The following KIDINS220 variants were observed in gnomAD, a reference collection of about 807,000 sequenced individuals.
The protein encoded by KIDINS220 is kinase D interacting substrate 220, also known as kinase D-interacting substrate of 220 kDa.
KIDINS220 carries 63 observed loss-of-function variants against 157.6 expected under a neutral mutation model. The observed-to-expected ratio is 0.40, with a 90% CI of 0.33 to 0.49. The LOEUF (loss-of-function observed/expected upper bound fraction) is 0.49, where lower values mean the gene tolerates loss of function less well. Among genes scored for constraint, KIDINS220 ranks in the 20% least tolerant of loss-of-function variants. The probability of loss-of-function intolerance (pLI) is 0.66; values close to 1 mark genes in which losing one functional copy is unlikely to be tolerated. For synonymous variants in KIDINS220, 732 were observed against 783.6 expected (o/e 0.93, Z 1.10); for missense variants, 1,772 against 2,171.2 (o/e 0.82, Z 3.65).
Position 8,770,760 on chromosome 2 carries a change from T to A in KIDINS220, c.2921A>T (p.Gln974Leu), listed in dbSNP as rs201780168. 787 of 1,612,402 alleles carry A rather than the reference T, an allele frequency of 4.9e-4. No individual in the cohort carries two copies. Among genetic ancestry groups the A allele is most frequent in the Non-Finnish European group, 6.4e-4 (749 of 1,178,664 alleles). Residue 974 changes from glutamine to leucine, a missense_variant, in exon 22 of 30, where the codon CAG (glutamine) becomes CTG (leucine). Physicochemically the swap from Gln to Leu is moderately radical, Grantham distance 113. This residue lies in a region of KIDINS220 where 725 missense variants were observed against 1,017.1 expected (regional missense o/e 0.71). Coordinates refer to ENST00000256707, the MANE Select transcript of KIDINS220 (RefSeq NM_020738.4). ...GAGCCATGAAGTCCGGTATGGCCAC[T>A]GCTCAGTAAGGTTGATCCAGCTAGC... ...RLASWINLTE[Q>L]WPYRTSWLIL...
At position 8,750,241 on chromosome 2, in the gene KIDINS220, G is replaced by A. The variant is rs1362668785; in HGVS notation, c.3285C>T (p.Tyr1095=). The A allele has an allele frequency of 1.2e-6, 2 of 1,614,034 alleles. No homozygotes were observed. Among genetic ancestry groups the A allele is most frequent in the South Asian group, 1.1e-5 (1 of 91,076 alleles). ...AAGAGCACACGGATGGGGGCTGGCT[G>A]TACCCTGATGGCGCCCTAGGAGGAC... ...HEGPPRAPSG[Y]SQPPSVCSST... The change falls in exon 24 of 30, where the codon TAC becomes TAT. Residue 1095 remains tyrosine (Y), a synonymous_variant. Transcript: ENST00000256707.
intron 21 of KIDINS220, among the ~76,000 whole-genome samples, chr2:8,775,876 T>C (rs1296472190): frequency 6.6e-6 from 1 of 152,228 alleles, no homozygotes; most frequent in East Asian, 1.9e-4. Flanking sequence ...TGTGACGTTA[T>C]ATCTTTTGGT....
chr2:8,753,431 A>T (rs1667620011), intron 22 of KIDINS220, among the ~76,000 whole-genome samples: 1 of 152,208 alleles, frequency 6.6e-6, no homozygotes, highest in Non-Finnish European at 1.5e-5. Flanking sequence ...TCAAAGGAAG[A>T]CGTGGAAAAT....
chr2:8,804,017 C>A (rs1300341078), intron 7 of KIDINS220, among the ~76,000 whole-genome samples: 1 of 152,206 alleles, frequency 6.6e-6, no homozygotes, highest in Non-Finnish European at 1.5e-5. Context: ...ATTAAAATAA[C>A]ACAGCCTTTT....
chr2:8,745,188 G>A (rs1252127357), intron 26 of KIDINS220, among the ~76,000 whole-genome samples: 1 of 152,204 alleles, frequency 6.6e-6, no homozygotes, highest in Non-Finnish European at 1.5e-5. Context: ...CTTCTTCACA[G>A]TATCTGATTT....
intron 26 of KIDINS220, among the ~76,000 whole-genome samples, chr2:8,742,453 C>T (rs566781350): frequency 3.0e-4 from 45 of 152,180 alleles, no homozygotes; most frequent in Non-Finnish European, 6.0e-4. Flanking sequence ...TTAATGAAAA[C>T]CAAGACTTTC....
rs1572395519 is a variant in KIDINS220, at chr2:8,730,298, G to A, written c.*422C>T. The A allele has an allele frequency of 3.0e-6, 3 of 1,002,700 alleles. No homozygotes were observed. The highest frequency in any genetic ancestry group is 3.6e-6 in the Non-Finnish European group (3 of 841,170). 62.1% of individuals were successfully genotyped at this position (1,002,700 alleles called of 1,614,324 possible). ...AGGTGAGCCCCTAAGAGCAGGGTTTGCTTCTGCTTCACCTAACGCCACGTC... is the reference window on the plus strand; with the variant it reads ...AGGTGAGCCCCTAAGAGCAGGGTTTACTTCTGCTTCACCTAACGCCACGTC... On this transcript the variant is annotated 3_prime_UTR_variant, in exon 30 of 30. Transcript: ENST00000256707.
chr2:8,750,209 G>A lies in KIDINS220; in HGVS notation c.3317C>T (p.Ser1106Phe). 1 of 1,614,208 alleles carries A rather than the reference G, an allele frequency of 6.2e-7. No homozygotes were observed. Among genetic ancestry groups the A allele is most frequent in the East Asian group, 2.2e-5 (1 of 44,878 alleles). ...SQPPSVCSST[S>F]FNGPFAGGVV... ...TCCACCTGCGAAGGGCCCATTGAAG[G>A]ACGTGGAAGAGCACACGGATGGGGG... Residue 1106 changes from serine to phenylalanine, a missense_variant, in exon 24 of 30, where the codon TCC becomes TTC. Around this residue, in one of 3 missense-constraint regions of KIDINS220, gnomAD observed 793 missense variants for 885.5 expected, o/e 0.90. Transcript: ENST00000256707.
chr2:8,749,522 C>T, intron 24 of KIDINS220: 1 of 386,402 alleles, frequency 2.6e-6, no homozygotes, highest in South Asian at 1.9e-5. Flanking sequence ...AGTTGCATTT[C>T]ATCTTTTCAT....
intron 2 of KIDINS220, among the ~76,000 whole-genome samples, chr2:8,822,500 C>T (rs913101176): frequency 1.3e-5 from 2 of 152,046 alleles, no homozygotes; most frequent in Admixed American, 6.6e-5. Flanking sequence ...TGGTAGCACA[C>T]GCCTGTAGTC....
At chr2:8,754,490 C>A (rs991718753) in intron 22 of KIDINS220, among the ~76,000 whole-genome samples, 1 of 152,174 alleles carries the variant, frequency 6.6e-6, no homozygotes, top group African/African-American at 2.4e-5. Context: ...CATTATGAAT[C>A]ATGTGAATTA....
intron 22 of KIDINS220, chr2:8,757,614 A>G: frequency 6.2e-7 from 1 of 1,600,230 alleles, no homozygotes; most frequent in South Asian, 1.1e-5. Context: ...CAGTCCTTCG[A>G]GGCAGATAAC....
chr2:8,775,402 T>G (rs555199173), intron 21 of KIDINS220, among the ~76,000 whole-genome samples: 8 of 151,926 alleles, frequency 5.3e-5, no homozygotes, highest in Non-Finnish European at 1.2e-4. Context: ...CAATGCTAAA[T>G]GGCAAAGGGA....
chr2:8,780,097 A>G (rs1352351428), intron 17 of KIDINS220, among the ~76,000 whole-genome samples: 1 of 152,234 alleles, frequency 6.6e-6, no homozygotes, highest in Non-Finnish European at 1.5e-5. Flanking sequence ...ACTTGCCAAG[A>G]TTAGAGGCTC....
intron 2 of KIDINS220, among the ~76,000 whole-genome samples, chr2:8,820,260 T>C (rs1677740669): frequency 6.6e-6 from 1 of 152,198 alleles, no homozygotes. Context: ...TGTAACCACA[T>C]TTTCATTGTG....
chr2:8,826,735 C>T (rs952140758), intron 2 of KIDINS220: 29 of 257,460 alleles, frequency 1.1e-4, no homozygotes, highest in Non-Finnish European at 2.1e-4. Context: ...AATCAAGCTT[C>T]CTGAATATTA....
intron 9 of KIDINS220, among the ~76,000 whole-genome samples, chr2:8,799,687 C>T (rs530834522): frequency 1.2e-3 from 177 of 152,298 alleles, no homozygotes; most frequent in Non-Finnish European, 2.3e-3. Flanking sequence ...TCCCCCATAA[C>T]ATTTGGCATA....
Position 8,798,254 on chromosome 2 carries a change from G to A in KIDINS220, c.947C>T (p.Thr316Ile), listed in dbSNP as rs1437946080. 1 of 1,612,464 alleles carries A rather than the reference G, an allele frequency of 6.2e-7. No homozygotes were observed. Among genetic ancestry groups the A allele is most frequent in the African/African-American group, 1.3e-5 (1 of 74,860 alleles). ...LYWAVEKGNATMVRDILQCNP... is the reference protein window; with the variant it reads ...LYWAVEKGNAIMVRDILQCNP... Reference sequence around the variant, plus strand: ...GCACTGTAAGATATCTCTCACCATTGTTGCATTTCCTTTCTCAACAGCCCA... The same window carrying A: ...GCACTGTAAGATATCTCTCACCATTATTGCATTTCCTTTCTCAACAGCCCA... Residue 316 changes from threonine to isoleucine, a missense_variant, in exon 10 of 30, where the codon ACA (threonine) becomes ATA (isoleucine). Coordinates refer to ENST00000256707, the MANE Select transcript of KIDINS220 (RefSeq NM_020738.4).
At chr2:8,766,581 C>T (rs1669529449) in intron 22 of KIDINS220, among the ~76,000 whole-genome samples, 1 of 152,170 alleles carries the variant, frequency 6.6e-6, no homozygotes, top group Non-Finnish European at 1.5e-5. Flanking sequence ...TTCATGGATA[C>T]ACCCAAGCTC....
Sources: gnomAD v4.1 joint callset for allele counts (sites outside exome capture counted in the v4.1 genomes callset) on GRCh38, gnomAD v4.1.1 for gene constraint, gnomAD v4.1.1 regional missense constraint, MANE v1.5 for transcripts, NCBI Gene and HGNC (gene_info 2026-07-23, HGNC 2026-07-21) for gene names.